Variants in PUDP observed in about 807,000 individuals in gnomAD.
The protein encoded by PUDP is pseudouridine 5'-phosphatase, also known as pseudouridine-5'-phosphatase.
In PUDP, 8 loss-of-function variants were observed where a neutral mutation model predicts 9.4. The observed-to-expected ratio is 0.85, with a 90% confidence interval of 0.50 to 1.53. The LOEUF (loss-of-function observed/expected upper bound fraction) is 1.53. Among genes scored for constraint, PUDP ranks in the 40% most tolerant of loss-of-function variants. The pLI, the probability that PUDP is intolerant of heterozygous loss-of-function variation, is 0.00. For synonymous variants in PUDP, 99 were observed against 80.7 expected (o/e 1.23, Z -1.22); for missense variants, 188 against 189.7 (o/e 0.99, Z 0.05).
At chrX:6,728,457 C>T (rs1267369529) in intron 3 of PUDP, among the ~76,000 whole-genome samples, 1 of 111,759 alleles carries the variant, frequency 8.9e-6, no homozygotes, top group Non-Finnish European at 1.9e-5. Flanking sequence ...TGCTTATTTA[C>T]AGCAACATGC....
chrX:6,862,397 T>G (rs766376474), intron 3 of PUDP, among the ~76,000 whole-genome samples: 16 of 112,682 alleles, frequency 1.4e-4, no homozygotes, highest in Non-Finnish European at 2.8e-4. Context: ...TTCAGACGAA[T>G]AGCAGATCAT....
rs1932351749 is a variant in PUDP at position 7,121,867 on chromosome X, T to A, written c.62-16029A>T. Among the ~76,000 whole-genome samples, 3 of 112,036 alleles carry A rather than the reference T, an allele frequency of 2.7e-5. No homozygotes were observed. In the Admixed American group the frequency reaches 2.8e-4, roughly 11 times the overall value. On this transcript the variant is annotated intron_variant, in intron 1 of 3. Coordinates refer to ENST00000381077, the MANE Select transcript of PUDP (RefSeq NM_012080.5). ...GTTGAGCTATCCAACAGAGAGAGTCTTAAATCCTGTAGATATTGGGGTTAA... is the reference window on the plus strand; with the variant it reads ...GTTGAGCTATCCAACAGAGAGAGTCATAAATCCTGTAGATATTGGGGTTAA...
chrX:7,125,832 C>G (rs912972353), intron 1 of PUDP, among the ~76,000 whole-genome samples: 1 of 110,658 alleles, frequency 9.0e-6, no homozygotes, highest in Non-Finnish European at 1.9e-5. Context: ...TTCACTATCA[C>G]GAGAACAGCA....
intron 3 of PUDP, among the ~76,000 whole-genome samples, chrX:6,787,542 A>G (rs1400391527): frequency 8.9e-6 from 1 of 112,287 alleles, no homozygotes; most frequent in African/African-American, 3.2e-5. Flanking sequence ...TTTTTAAAAA[A>G]TTCGGTGGCA....
At position 7,129,740 on chromosome X, in the gene PUDP, AAC is replaced by A. The variant is rs751246003; in HGVS notation, c.61+18311_61+18312del. On this transcript the variant is annotated intron_variant, in intron 1 of 3. Transcript: ENST00000381077. ...AATATGATTTCATTCCTTATTCAAA[AAC>A]ACTGACCTTTTAAAGATCTCACATC... Among the ~76,000 whole-genome samples the A allele has an allele frequency of 3.6e-5, 4 of 112,109 alleles. No homozygotes were observed. In the South Asian group the frequency reaches 1.5e-3, roughly 42 times the overall value.
chrX:7,146,920 C>A (rs753964417), intron 1 of PUDP, among the ~76,000 whole-genome samples: 2 of 103,395 alleles, frequency 1.9e-5, no homozygotes, highest in Non-Finnish European at 3.9e-5. Flanking sequence ...GAATGATATA[C>A]GTAACCAAGC....
intron 1 of PUDP, among the ~76,000 whole-genome samples, chrX:7,034,030 G>A (rs1323420833): frequency 5.3e-5 from 6 of 112,277 alleles, no homozygotes; most frequent in Admixed American, 9.4e-5. Flanking sequence ...TAGGAACAGA[G>A]TCAGGGTCCT....
intron 3 of PUDP, among the ~76,000 whole-genome samples, chrX:6,866,896 G>T (rs1299195430): frequency 9.0e-6 from 1 of 111,394 alleles, no homozygotes; most frequent in Non-Finnish European, 1.9e-5. Context: ...CACCCAACTT[G>T]CTCTGGGAAT....
At chrX:6,984,486 A>G (rs893826480) in intron 1 of PUDP, among the ~76,000 whole-genome samples, 6 of 111,815 alleles carry the variant, frequency 5.4e-5, no homozygotes, top group African/African-American at 2.0e-4. Context: ...CAAAAAAATT[A>G]AATGGGGAGG....
At chrX:6,909,188 C>T (rs1360627288) in intron 3 of PUDP, among the ~76,000 whole-genome samples, 1 of 111,445 alleles carries the variant, frequency 9.0e-6, no homozygotes, top group Non-Finnish European at 1.9e-5. Context: ...TTTTATCTGC[C>T]TTTTTTCTTT....
At chrX:6,878,717 T>G (rs962403002) in intron 3 of PUDP, among the ~76,000 whole-genome samples, 1 of 110,828 alleles carries the variant, frequency 9.0e-6, no homozygotes, top group African/African-American at 3.3e-5. Context: ...AATTTTGAGT[T>G]ATTAGTTAAG....
At chrX:7,142,031 G>A (rs1932800511) in intron 1 of PUDP, among the ~76,000 whole-genome samples, 1 of 112,235 alleles carries the variant, frequency 8.9e-6, no homozygotes, top group Non-Finnish European at 1.9e-5. Flanking sequence ...TCACCCAAGA[G>A]CTCTGATGGA....
chrX:7,085,359 C>G (rs758339582), intron 2 of PUDP: 1 of 112,358 alleles, frequency 8.9e-6, no homozygotes, highest in East Asian at 2.8e-4. Flanking sequence ...TTGTCTCGCT[C>G]TCTGAACCCT....
At chrX:7,105,953 T>A in intron 1 of PUDP, 115 bp from the exon 2 acceptor site, 1 of 490,903 alleles carries the variant, frequency 2.0e-6, no homozygotes, top group Non-Finnish European at 3.3e-6. Context: ...AAGGCTTTTG[T>A]GGAGACCTAA....
intron 1 of PUDP, among the ~76,000 whole-genome samples, chrX:6,995,358 G>A (rs758756183): frequency 9.0e-6 from 1 of 111,541 alleles, no homozygotes; most frequent in Non-Finnish European, 1.9e-5. Flanking sequence ...CCAAAATATC[G>A]AAAGCCTTTG....
chrX:6,800,495 T>C (rs1925914591), intron 3 of PUDP, among the ~76,000 whole-genome samples: 1 of 112,041 alleles, frequency 8.9e-6, no homozygotes, highest in Non-Finnish European at 1.9e-5. Context: ...TGTTTGTTCC[T>C]CTGATTGGCC....
At chrX:6,932,519 G>A (rs913905434) in intron 3 of PUDP, among the ~76,000 whole-genome samples, 3 of 111,651 alleles carry the variant, frequency 2.7e-5, no homozygotes, top group Admixed American at 1.9e-4. Context: ...GAACAGCTCC[G>A]GTCTACAGCT....
At chrX:6,918,501 C>T (rs1449012462) in intron 3 of PUDP, among the ~76,000 whole-genome samples, 1 of 111,737 alleles carries the variant, frequency 8.9e-6, no homozygotes, top group Non-Finnish European at 1.9e-5. Context: ...CTTCACAAAT[C>T]TCCTGCCTCT....
chrX:7,066,902 TGC>T (rs780678098), intron 3 of PUDP, among the ~76,000 whole-genome samples: 23 of 111,616 alleles, frequency 2.1e-4, no homozygotes, highest in Non-Finnish European at 4.0e-4. Context: ...CGCACATGCA[TGC>T]GCACACACAC....
Sources: gnomAD v4.1 joint callset for allele counts (sites outside exome capture counted in the v4.1 genomes callset) on GRCh38, gnomAD v4.1.1 for gene constraint, MANE v1.5 for transcripts, NCBI Gene and HGNC (gene_info 2026-07-23, HGNC 2026-07-21) for gene names.